The following CDC42BPA variants were observed in gnomAD, a reference collection of about 807,000 sequenced individuals.
The protein encoded by CDC42BPA is serine/threonine-protein kinase MRCK alpha.
In CDC42BPA, 80 loss-of-function variants were observed where a neutral mutation model predicts 223.5. That is an observed-to-expected ratio of 0.36 (90% CI 0.30 to 0.43). The LOEUF (loss-of-function observed/expected upper bound fraction) is 0.43, where lower values mean the gene tolerates loss of function less well. CDC42BPA is among the 20% of genes least tolerant of loss of function. The pLI, the probability that CDC42BPA is intolerant of heterozygous loss-of-function variation, is 1.00. For synonymous variants in CDC42BPA, 694 were observed against 718.6 expected (o/e 0.97, Z 0.55); for missense variants, 1,743 against 2,099.9 (o/e 0.83, Z 3.32).
At chr1:227,200,209 T>C (rs1355944830) in intron 3 of CDC42BPA, among the ~76,000 whole-genome samples, 3 of 152,146 alleles carry the variant, frequency 2.0e-5, no homozygotes, top group East Asian at 1.9e-4. Flanking sequence ...GGTGGGCAGA[T>C]TGCTTGAGCA....
At position 227,033,316 on chromosome 1, in the gene CDC42BPA, T is replaced by G; in HGVS notation, c.3558+18A>C. ...AAAACACATAATTCAGTGATCAAAT[T>G]ACAGCATACACACTTACCCTAAATA... On this transcript the variant is annotated intron_variant, in intron 27 of 36. Coordinates refer to ENST00000366766, the MANE Select transcript of CDC42BPA (RefSeq NM_001394014.1). 2.6e-6 allele frequency: 4 copies of G among 1,529,064 alleles called. No homozygotes were observed. The highest frequency in any genetic ancestry group is 2.7e-6 in the Non-Finnish European group (3 of 1,102,952). 94.7% of individuals were successfully genotyped at this position (1,529,064 alleles called of 1,614,324 possible). A position where few individuals can be genotyped will look rare whatever the true frequency, so the allele number is the denominator to read the frequency against.
chr1:227,215,382 C>T (rs1674647083), intron 2 of CDC42BPA, among the ~76,000 whole-genome samples: 1 of 152,136 alleles, frequency 6.6e-6, no homozygotes, highest in South Asian at 2.1e-4. Context: ...CCTTTCAATA[C>T]TTCAGTGTCC....
chr1:227,177,056 A>G (rs1333284757), intron 5 of CDC42BPA, among the ~76,000 whole-genome samples: 1 of 149,890 alleles, frequency 6.7e-6, no homozygotes, highest in African/African-American at 2.4e-5. Flanking sequence ...TAGCTGTCAT[A>G]TACATTATGT....
chr1:227,214,903 C>CACTATG (rs1237537064), intron 2 of CDC42BPA, among the ~76,000 whole-genome samples: 4 of 152,080 alleles, frequency 2.6e-5, no homozygotes, highest in Non-Finnish European at 4.4e-5. Context: ...AAATGCCAGG[C>CACTATG]ACTATGGTAA....
intron 5 of CDC42BPA, among the ~76,000 whole-genome samples, chr1:227,164,340 T>C (rs928175316): frequency 7.2e-5 from 11 of 152,266 alleles, no homozygotes; most frequent in African/African-American, 2.7e-4. Context: ...CATGATTTTA[T>C]AGATTAATCT....
At chr1:227,237,820 C>A (rs941008724) in intron 2 of CDC42BPA, among the ~76,000 whole-genome samples, 4 of 151,818 alleles carry the variant, frequency 2.6e-5, no homozygotes, top group Non-Finnish European at 4.4e-5. Context: ...GCGGGCGGAT[C>A]ACCTGAGGTC....
intron 16 of CDC42BPA, among the ~76,000 whole-genome samples, chr1:227,086,602 T>C (rs896917993): frequency 2.0e-5 from 3 of 152,190 alleles, no homozygotes; most frequent in Admixed American, 6.5e-5. Flanking sequence ...TTGTTATTCA[T>C]GTATCATCTT....
chr1:227,094,754 C>T (rs1339599626), intron 15 of CDC42BPA, among the ~76,000 whole-genome samples: 1 of 152,216 alleles, frequency 6.6e-6, no homozygotes, highest in African/African-American at 2.4e-5. Context: ...TAGTTTTTCA[C>T]TGCTAGGCTG....
intron 2 of CDC42BPA, among the ~76,000 whole-genome samples, chr1:227,253,236 GAGAA>G (rs1572649739): frequency 6.9e-6 from 1 of 144,762 alleles, no homozygotes; most frequent in East Asian, 2.0e-4. Context: ...GAGGGAGAGA[GAGAA>G]AGAGAGCGAG....
At position 226,993,823 on chromosome 1, in the gene CDC42BPA, AT is replaced by A. The variant is rs1661046742; in HGVS notation, c.*444del. The A allele has an allele frequency of 6.3e-6, 1 of 158,762 alleles. No individual in the cohort carries two copies. Among genetic ancestry groups the A allele is most frequent in the East Asian group, 1.9e-4 (1 of 5,316 alleles). 9.8% of individuals were successfully genotyped at this position (158,762 alleles called of 1,614,324 possible). On this transcript the variant is annotated 3_prime_UTR_variant, in exon 37 of 37. Transcript: ENST00000366766. The stretch of plus-strand genomic sequence containing the variant: ...AGGTTGATACTCACTGCGTTTGCTG[AT>A]TAAGAGCTTAGTGAGCCACTCCAGG...
intron 6 of CDC42BPA, among the ~76,000 whole-genome samples, chr1:227,155,612 T>C (rs930635118): frequency 3.3e-5 from 5 of 152,182 alleles, no homozygotes; most frequent in African/African-American, 1.2e-4. Flanking sequence ...AAGGAACTGC[T>C]AAATTCCTTT....
chr1:227,045,514 T>C lies in CDC42BPA; in HGVS notation c.3093+2413A>G, dbSNP rs115862119. Among the ~76,000 whole-genome samples, 750 of 152,290 alleles carry C rather than the reference T, an allele frequency of 4.9e-3. 5 individuals carry two copies. Among genetic ancestry groups the C allele is most frequent in the African/African-American group, 0.017 (701 of 41,568 alleles). On this transcript the variant is annotated intron_variant, in intron 23 of 36. Transcript: ENST00000366766. The stretch of plus-strand genomic sequence containing the variant: ...GCAATCTGGAAACATGTCTTTTAGT[T>C]ACAGGAAAAAGTCTTTTACTTACTT...
At chr1:227,031,969 A>G (rs1177382677) in intron 27 of CDC42BPA, among the ~76,000 whole-genome samples, 2 of 152,162 alleles carry the variant, frequency 1.3e-5, no homozygotes, top group African/African-American at 4.8e-5. Flanking sequence ...AAATTAAATC[A>G]TTTCTCCAAG....
chr1:227,226,228 T>C (rs553342138), intron 2 of CDC42BPA, among the ~76,000 whole-genome samples: 2 of 152,334 alleles, frequency 1.3e-5, no homozygotes, highest in East Asian at 3.9e-4. Flanking sequence ...GCTAGCTGGA[T>C]ACATATACTT....
intron 35 of CDC42BPA, among the ~76,000 whole-genome samples, chr1:226,995,996 C>G (rs895553636): frequency 6.6e-6 from 1 of 152,182 alleles, no homozygotes; most frequent in Non-Finnish European, 1.5e-5. Context: ...TAAAGCAGCA[C>G]ATTTATCTAA....
At chr1:227,091,317 G>T (rs1156729082) in intron 16 of CDC42BPA, among the ~76,000 whole-genome samples, 7 of 152,178 alleles carry the variant, frequency 4.6e-5, no homozygotes, top group Admixed American at 2.0e-4. Flanking sequence ...GGGCCTGGGG[G>T]GAGGTGACTG....
At chr1:227,271,328 G>A (rs1316663201) in intron 1 of CDC42BPA, among the ~76,000 whole-genome samples, 2 of 152,152 alleles carry the variant, frequency 1.3e-5, no homozygotes, top group African/African-American at 4.8e-5. Flanking sequence ...AAATCTGTGA[G>A]TGAGAAATTT....
At chr1:227,238,216 G>T (rs533263490) in intron 2 of CDC42BPA, among the ~76,000 whole-genome samples, 80 of 150,568 alleles carry the variant, frequency 5.3e-4, no homozygotes, top group African/African-American at 1.8e-3. Flanking sequence ...TTAATTAGCC[G>T]GACATGGTGG....
chr1:227,132,705 C>T (rs1219142422), intron 10 of CDC42BPA, among the ~76,000 whole-genome samples: 2 of 151,894 alleles, frequency 1.3e-5, no homozygotes, highest in Non-Finnish European at 2.9e-5. Context: ...TTCCCCACCA[C>T]CATCCCATCT....
Sources: gnomAD v4.1 joint callset for allele counts (sites outside exome capture counted in the v4.1 genomes callset) on GRCh38, gnomAD v4.1.1 for gene constraint, MANE v1.5 for transcripts, NCBI Gene and HGNC (gene_info 2026-07-23, HGNC 2026-07-21) for gene names.